UGGT2: variants seen among roughly 807,000 people sequenced by gnomAD.
The protein encoded by UGGT2 is UDP-glucose:glycoprotein glucosyltransferase 2.
UGGT2 carries 180 observed loss-of-function variants against 192.1 expected under a neutral mutation model. The ratio of observed to expected loss-of-function variants is 0.94; its 90% confidence interval spans 0.83 to 1.06. The LOEUF (loss-of-function observed/expected upper bound fraction) is 1.06, where lower values mean the gene tolerates loss of function less well. Among genes scored for constraint, UGGT2 ranks in the 50% least tolerant of loss-of-function variants. The pLI, the probability that UGGT2 is intolerant of heterozygous loss-of-function variation, is 0.00. For missense variants in UGGT2, 1,849 were observed against 1,795.7 expected, an observed-to-expected ratio of 1.03 and a Z score of -0.54; for synonymous variants, 580 against 591.0, an observed-to-expected ratio of 0.98 and a Z score of 0.27.
intron 2 of UGGT2, among the ~76,000 whole-genome samples, chr13:96,030,448 G>A (rs915579139): frequency 6.6e-5 from 10 of 152,170 alleles, no homozygotes; most frequent in Admixed American, 3.3e-4. Context: ...ATTTTGAAAG[G>A]AAAAATTATT....
At chr13:96,004,557 T>C (rs1013569612) in intron 5 of UGGT2, among the ~76,000 whole-genome samples, 3 of 152,246 alleles carry the variant, frequency 2.0e-5, no homozygotes, top group East Asian at 1.9e-4. Flanking sequence ...TTAGGGTACA[T>C]GTGCACAATG....
intron 20 of UGGT2, among the ~76,000 whole-genome samples, chr13:95,903,495 TA>T (rs1446884482): frequency 2.6e-5 from 4 of 152,202 alleles, no homozygotes; most frequent in Non-Finnish European, 4.4e-5. Context: ...TTTATGGTAA[TA>T]ACAACTTTGC....
intron 10 of UGGT2, among the ~76,000 whole-genome samples, chr13:95,982,472 T>C (rs2140862666): frequency 6.6e-6 from 1 of 152,270 alleles, no homozygotes; most frequent in East Asian, 1.9e-4. Context: ...AAAGCCCATA[T>C]GCATAATAGG....
At chr13:95,958,276 C>T (rs1281415783) in intron 12 of UGGT2, among the ~76,000 whole-genome samples, 2 of 152,032 alleles carry the variant, frequency 1.3e-5, no homozygotes, top group Admixed American at 6.5e-5. Context: ...CTCAGCCTCC[C>T]GAGTAGCTGG....
chr13:95,829,075 AT>A (rs1406113202), intron 38 of UGGT2, among the ~76,000 whole-genome samples: 5 of 152,230 alleles, frequency 3.3e-5, no homozygotes, highest in African/African-American at 1.2e-4. Context: ...AAACCACATG[AT>A]TGTGTCAACA....
chr13:95,928,158 C>T (rs1208956060), intron 17 of UGGT2, among the ~76,000 whole-genome samples: 3 of 152,172 alleles, frequency 2.0e-5, no homozygotes, highest in South Asian at 2.1e-4. Flanking sequence ...CATCATGGCC[C>T]GTTCTCAATG....
intron 36 of UGGT2, among the ~76,000 whole-genome samples, chr13:95,844,730 C>T (rs747689954): frequency 7.1e-4 from 108 of 152,182 alleles, no homozygotes; most frequent in Non-Finnish European, 9.1e-4. Flanking sequence ...CCCCCTTACC[C>T]GTCCAAGACA....
intron 20 of UGGT2, among the ~76,000 whole-genome samples, chr13:95,903,871 TTG>T (rs2048187595): frequency 6.6e-6 from 1 of 152,212 alleles, no homozygotes; most frequent in Non-Finnish European, 1.5e-5. Context: ...AAGAAACACT[TTG>T]TATTGTCAGA....
rs910921861 is a variant in UGGT2, at chr13:96,038,916, G to A, written c.159-6945C>T. Among the ~76,000 whole-genome samples, 12 of 152,110 alleles carry A rather than the reference G, an allele frequency of 7.9e-5. No homozygotes were observed. The East Asian group carries it at 2.3e-3, about 29-fold the overall frequency. On this transcript the variant is annotated intron_variant, in intron 1 of 38. Transcript: ENST00000376747. ...AAATCATGTATGGGTGAGACTCTGG[G>A]TATGATCCATCCTGGGGTAAAATTC...
At chr13:95,845,737 C>CA (rs1888353258) in intron 36 of UGGT2, among the ~76,000 whole-genome samples, 1 of 151,630 alleles carries the variant, frequency 6.6e-6, no homozygotes, top group Non-Finnish European at 1.5e-5. Context: ...ACTTCCCAGA[C>CA]GGGGTGGCGG....
At chr13:95,938,072 G>A (rs1221986801) in intron 16 of UGGT2, among the ~76,000 whole-genome samples, 1 of 152,292 alleles carries the variant, frequency 6.6e-6, no homozygotes, top group East Asian at 1.9e-4. Context: ...TCTCTTGTCT[G>A]CCATCATGTG....
chr13:95,882,036 G>A (rs185014405), intron 27 of UGGT2, among the ~76,000 whole-genome samples: 1 of 152,030 alleles, frequency 6.6e-6, no homozygotes, highest in Non-Finnish European at 1.5e-5. Context: ...AGCCTCCTGA[G>A]TAGCTGGTAT....
At chr13:96,006,028 G>GA (rs2051962916) in intron 5 of UGGT2, among the ~76,000 whole-genome samples, 1 of 152,092 alleles carries the variant, frequency 6.6e-6, no homozygotes, top group Non-Finnish European at 1.5e-5. Flanking sequence ...TAATAACAAC[G>GA]AAAATCACAA....
chr13:95,909,637 GAT>G (rs2048411864), intron 20 of UGGT2, among the ~76,000 whole-genome samples: 1 of 146,564 alleles, frequency 6.8e-6, no homozygotes, highest in South Asian at 2.2e-4. Context: ...AGCATCGGGA[GAT>G]ATACCTAATG....
At chr13:96,021,483 G>A (rs2052514045) in intron 4 of UGGT2, among the ~76,000 whole-genome samples, 1 of 152,078 alleles carries the variant, frequency 6.6e-6, no homozygotes, top group African/African-American at 2.4e-5. Context: ...TCCAGAATAA[G>A]AATAATATGG....
Position 95,808,411 on chromosome 13 carries a change from AT to A in UGGT2, c.4529-6600del, listed in dbSNP as rs758490427. Among the ~76,000 whole-genome samples, 11 of 150,768 alleles carry A rather than the reference AT, an allele frequency of 7.3e-5. No homozygotes were observed. The East Asian group carries it at 1.7e-3, about 24-fold the overall frequency. On this transcript the variant is annotated intron_variant, in intron 38 of 38. Transcript: ENST00000376747. ...CTTACAAATAAATGTCCTTTGTGGC[AT>A]TTTTTTTTCTACAAACAGGGAAATT...
chr13:95,893,246 C>T (rs572877138), intron 24 of UGGT2, among the ~76,000 whole-genome samples: 4 of 151,972 alleles, frequency 2.6e-5, no homozygotes, highest in African/African-American at 4.8e-5. Context: ...ACAGAAATAA[C>T]GGATTTATAA....
intron 22 of UGGT2, among the ~76,000 whole-genome samples, chr13:95,900,248 T>C (rs181820357): frequency 6.6e-6 from 1 of 152,056 alleles, no homozygotes; most frequent in Non-Finnish European, 1.5e-5. Context: ...TATCTATGTA[T>C]GGTAGAAAAA....
chr13:95,972,601 A>T lies in UGGT2; in HGVS notation c.1163T>A (p.Met388Lys). ...TTACCTAAAAGCGTCATAAACATCC[A>T]TATCAACACGAAGGCCATTTATAAA... ...RLFINGLRVD[M>K]DVYDAFSILD... The change falls in exon 11 of 39, where the codon ATG becomes AAG. Residue 388 changes from methionine (M) to lysine (K), a missense_variant. By Grantham distance (95) the Met-to-Lys change is moderately conservative. Transcript: ENST00000376747. 1 of 1,613,440 alleles carries T rather than the reference A, an allele frequency of 6.2e-7. No individual in the cohort carries two copies. The highest frequency in any genetic ancestry group is 2.2e-5 in the East Asian group (1 of 44,812).
Sources: allele counts gnomAD v4.1 joint callset (sites outside exome capture counted in the v4.1 genomes callset), GRCh38; gene constraint gnomAD v4.1.1; transcripts MANE v1.5; gene names NCBI Gene and HGNC (gene_info 2026-07-23, HGNC 2026-07-21).